The following EIF4A3 variants were observed in gnomAD, a reference collection of about 807,000 sequenced individuals.
EIF4A3 encodes the protein eukaryotic initiation factor 4A-III.
EIF4A3 carries 1 observed loss-of-function variant against 55.6 expected under a neutral mutation model. That is an observed-to-expected ratio of 0.02 (90% CI 0.01 to 0.09). The LOEUF (loss-of-function observed/expected upper bound fraction) is 0.09. Among genes scored for constraint, EIF4A3 ranks in the 10% least tolerant of loss-of-function variants. The probability of loss-of-function intolerance (pLI) is 1.00; values close to 1 mark genes in which losing one functional copy is unlikely to be tolerated. For missense variants in EIF4A3, 221 were observed against 540.7 expected (o/e 0.41, Z 5.86); for synonymous variants, 194 against 196.3 (o/e 0.99, Z 0.10).
chr17:80,140,361 T>TG (rs1567849634), intron 4 of EIF4A3: 1 of 436,546 alleles, frequency 2.3e-6, no homozygotes, highest in Non-Finnish European at 3.7e-6. Flanking sequence ...TGGCCCATGC[T>TG]GGGGGGCAGC....
chr17:80,143,835 T>C (rs2039637670), intron 2 of EIF4A3, among the ~76,000 whole-genome samples: 1 of 151,820 alleles, frequency 6.6e-6, no homozygotes. Flanking sequence ...TGAAAATTAG[T>C]CGGGCATGGT....
At chr17:80,140,301 A>T in intron 4 of EIF4A3, 161 bp from the exon 5 acceptor site, 1 of 970,270 alleles carries the variant, frequency 1.0e-6, no homozygotes, top group Non-Finnish European at 1.4e-6. Flanking sequence ...TGACAAAAAC[A>T]AGTTAATTTT....
rs1019648608 is a variant in EIF4A3 at position 80,134,416 on chromosome 17, A to G, written c.*1074T>C. 6.6e-6 allele frequency among the ~76,000 whole-genome samples: 1 copy of G among 152,190 alleles called. No homozygotes were observed. Among genetic ancestry groups the G allele is most frequent in the Non-Finnish European group, 1.5e-5 (1 of 68,042 alleles). ...TTTAATAATTTAAATATTTAAACAG[A>G]TAATTATCTGTTTTAGTTTGTCAAC... On this transcript the variant is annotated 3_prime_UTR_variant, in exon 12 of 12. Coordinates refer to ENST00000649764, the MANE Select transcript of EIF4A3 (RefSeq NM_014740.4).
rs1020437678 is a variant in EIF4A3, at chr17:80,137,601, T to C, written c.868-100A>G. 7 of 889,762 alleles carry C rather than the reference T, an allele frequency of 7.9e-6. No homozygotes were observed. In the African/African-American group the frequency reaches 8.4e-5, roughly 11 times the overall value. 55.1% of individuals were successfully genotyped at this position (889,762 alleles called of 1,614,324 possible). On this transcript the variant is annotated intron_variant, in intron 8 of 11. Coordinates refer to ENST00000649764, the MANE Select transcript of EIF4A3 (RefSeq NM_014740.4). ...ATCATTTGCAGAACCAGTATCAATATTCGTAAGGTAACTGCTCTTAAAACT... is the reference window on the plus strand; with the variant it reads ...ATCATTTGCAGAACCAGTATCAATACTCGTAAGGTAACTGCTCTTAAAACT...
intron 2 of EIF4A3, among the ~76,000 whole-genome samples, chr17:80,142,716 G>A (rs2039628111): frequency 1.3e-5 from 2 of 152,012 alleles, no homozygotes; most frequent in South Asian, 2.1e-4. Flanking sequence ...CTGCATTCCC[G>A]CCTGGGTGAC....
intron 2 of EIF4A3, 103 bp downstream of exon 2, chr17:80,144,069 T>A: frequency 9.2e-7 from 1 of 1,091,790 alleles, no homozygotes; most frequent in Non-Finnish European, 1.4e-6. Context: ...GTGTTGGAAC[T>A]GAGCGTGTAC....
At chr17:80,141,989 G>A in intron 2 of EIF4A3, 141 bp from the exon 3 acceptor site, 1 of 596,604 alleles carries the variant, frequency 1.7e-6, no homozygotes, top group Non-Finnish European at 3.0e-6. Flanking sequence ...ACTGCGAGGA[G>A]GCAGGACTCG....
At chr17:80,137,885 G>A (rs1255954513) in intron 8 of EIF4A3, among the ~76,000 whole-genome samples, 1 of 152,114 alleles carries the variant, frequency 6.6e-6, no homozygotes, top group Non-Finnish European at 1.5e-5. Flanking sequence ...ACTCAGGCCT[G>A]GGTTCCACCT....
In EIF4A3 at chr17:80,146,996, G is replaced by T. The variant is rs778301942; in HGVS notation, c.-35C>A. 6.7e-7 allele frequency: 1 copy of T among 1,488,582 alleles called. No homozygotes were observed. Among genetic ancestry groups the T allele is most frequent in the Admixed American group, 1.9e-5 (1 of 52,786 alleles). 92.2% of individuals were successfully genotyped at this position (1,488,582 alleles called of 1,614,324 possible). A position where few individuals can be genotyped will look rare whatever the true frequency, so the allele number is the denominator to read the frequency against. On this transcript the variant is annotated 5_prime_UTR_variant, in exon 1 of 12. Transcript: ENST00000649764. ...TCCGCGGAAGAGCACAGCGCGCGCC[G>T]CTGCCGACCTCGCTGCCGCTGCCGA... is the stretch of plus-strand genomic sequence containing the variant.
In EIF4A3 at chr17:80,140,156, G is replaced by C. The variant is rs756838837; in HGVS notation, c.373-16C>G. ...CAAGCAGCCCCTGAAACAAAGCACA[G>C]GTTCACGTCCAGGGTGGGAGAGAGA... On this transcript the variant is annotated splice_polypyrimidine_tract_variant and intron_variant, in intron 4 of 11. Coordinates refer to ENST00000649764, the MANE Select transcript of EIF4A3 (RefSeq NM_014740.4). 32 of 1,579,568 alleles carry C rather than the reference G, an allele frequency of 2.0e-5. No individual in the cohort carries two copies. The Middle Eastern group carries it at 2.0e-3, about 100-fold the overall frequency.
rs1297904345 is a variant in EIF4A3 at position 80,134,476 on chromosome 17, T to TG, written c.*1013dup. On this transcript the variant is annotated 3_prime_UTR_variant, in exon 12 of 12. Transcript: ENST00000649764. ...AGTCATGATCCTGCCACTATACTCC[T>TG]GCCTGGGCGACAGGGAGATCCTGGG... 6.6e-6 allele frequency among the ~76,000 whole-genome samples: 1 copy of TG among 151,834 alleles called. No individual in the cohort carries two copies. The highest frequency in any genetic ancestry group is 1.5e-5 in the Non-Finnish European group (1 of 67,996).
At chr17:80,137,712 TATA>T in intron 8 of EIF4A3, 1 of 539,282 alleles carries the variant, frequency 1.9e-6, no homozygotes, top group South Asian at 2.2e-5. Flanking sequence ...ATTTTCTCCA[TATA>T]ATGACTCTAT....
Position 80,135,458 on chromosome 17 carries a change from A to G in EIF4A3, c.*32T>C, listed in dbSNP as rs1184168641. 2 of 1,551,312 alleles carry G rather than the reference A, an allele frequency of 1.3e-6. No homozygotes were observed. On this transcript the variant is annotated 3_prime_UTR_variant, in exon 12 of 12. Transcript: ENST00000649764. ...TCCAAACAGGAGTACACAGCAGGTG[A>G]ACAGTCTCCCTCATCCCACTGATCT...
In EIF4A3 at chr17:80,136,350, A is replaced by T. The variant is rs1293760942; in HGVS notation, c.984-15T>A. 2.5e-6 allele frequency: 4 copies of T among 1,602,856 alleles called. No individual in the cohort carries two copies. The highest frequency in any genetic ancestry group is 2.2e-5 in the South Asian group (2 of 90,314). On this transcript the variant is annotated splice_polypyrimidine_tract_variant and intron_variant, in intron 9 of 11. Coordinates refer to ENST00000649764, the MANE Select transcript of EIF4A3 (RefSeq NM_014740.4). ...TAAGCACTCGGCTGCAAAAAGAAAG[A>T]GTGTTTGAGGCGATTAAATTACTCA...
rs555405388 is a variant in EIF4A3 at position 80,138,804 on chromosome 17, C to A, written c.728+217G>T. The A allele has an allele frequency of 1.8e-3, 1,086 of 590,400 alleles. 5 individuals carry two copies. The highest frequency in any genetic ancestry group is 2.8e-3 in the Non-Finnish European group (965 of 346,044). The allele number at this position is 590,400 out of a possible 1,614,324, so 36.6% of individuals were successfully genotyped here. On this transcript the variant is annotated intron_variant, in intron 7 of 11. Transcript: ENST00000649764. ...AGAGATACGGTCTCTATATGTTGCCCAGCCTATTTGGTTTTTTAAAACAGG... is the reference window on the plus strand; with the variant it reads ...AGAGATACGGTCTCTATATGTTGCCAAGCCTATTTGGTTTTTTAAAACAGG...
At position 80,135,397 on chromosome 17, in the gene EIF4A3, A is replaced by G; in HGVS notation, c.*93T>C. The G allele has an allele frequency of 6.9e-7, 1 of 1,457,016 alleles. No homozygotes were observed. Among genetic ancestry groups the G allele is most frequent in the Non-Finnish European group, 9.1e-7 (1 of 1,093,088 alleles). 90.3% of individuals were successfully genotyped at this position (1,457,016 alleles called of 1,614,324 possible). A position where few individuals can be genotyped will look rare whatever the true frequency, so the allele number is the denominator to read the frequency against. On this transcript the variant is annotated 3_prime_UTR_variant, in exon 12 of 12. Coordinates refer to ENST00000649764, the MANE Select transcript of EIF4A3 (RefSeq NM_014740.4). ...GGCCATTTATGAGAAGAAAGTCCATATAAACCCCATTAAGTAGAATCTGGA... is the reference window on the plus strand; with the variant it reads ...GGCCATTTATGAGAAGAAAGTCCATGTAAACCCCATTAAGTAGAATCTGGA...
At chr17:80,138,980 C>T (rs372300628) in intron 7 of EIF4A3, 41 bp downstream of exon 7, 16 of 1,600,756 alleles carry the variant, frequency 1.0e-5, no homozygotes, top group South Asian at 3.3e-5. Flanking sequence ...TTTATAAATG[C>T]GGCCCAGTGT....
In EIF4A3 at chr17:80,145,765, G is replaced by C. The variant is rs150628485; in HGVS notation, c.169+1028C>G. On this transcript the variant is annotated intron_variant, in intron 1 of 11. Transcript: ENST00000649764. The stretch of plus-strand genomic sequence containing the variant: ...GCTCCTGATTCTGACTCTCTGGAGT[G>C]CTGCCTACCTAGCCAAATGTTTGCA... Among the ~76,000 whole-genome samples, 438 of 152,130 alleles carry C rather than the reference G, an allele frequency of 2.9e-3. 3 individuals carry two copies. The highest frequency in any genetic ancestry group is 0.01 in the African/African-American group (419 of 41,488).
intron 11 of EIF4A3, 146 bp from the exon 12 acceptor site, chr17:80,135,652 T>C: frequency 1.4e-6 from 1 of 721,418 alleles, no homozygotes; most frequent in Non-Finnish European, 2.3e-6. Flanking sequence ...TCCCAGCACT[T>C]TGGGAGGCTG....
Sources: allele counts gnomAD v4.1 joint callset (sites outside exome capture counted in the v4.1 genomes callset), GRCh38; gene constraint gnomAD v4.1.1; transcripts MANE v1.5; gene names NCBI Gene and HGNC (gene_info 2026-07-23, HGNC 2026-07-21).